Variants in BMPR1B observed in about 807,000 individuals in gnomAD.
The protein encoded by BMPR1B is bone morphogenetic protein receptor type-1B.
In BMPR1B, 12 loss-of-function variants were observed where a neutral mutation model predicts 59.1. The ratio of observed to expected loss-of-function variants is 0.20; its 90% CI spans 0.13 to 0.33. The LOEUF (loss-of-function observed/expected upper bound fraction) is 0.33, where lower values mean the gene tolerates loss of function less well. Ranked by LOEUF, BMPR1B falls within the 10% of genes least tolerant of loss-of-function variation. The pLI is 1.00. For missense variants in BMPR1B, 550 were observed against 610.9 expected, an observed-to-expected ratio of 0.90 and a Z score of 1.05; for synonymous variants, 237 against 207.3, an observed-to-expected ratio of 1.14 and a Z score of -1.23.
At chr4:94,777,779 A>T (rs1001862856) in intron 1 of BMPR1B, among the ~76,000 whole-genome samples, 1 of 152,116 alleles carries the variant, frequency 6.6e-6, no homozygotes, top group Non-Finnish European at 1.5e-5. Context: ...TAATCCCAGC[A>T]CTTTGGGAGG....
In BMPR1B at chr4:95,043,168, C is replaced by G. The variant is rs184544569; in HGVS notation, c.-18+47034C>G. The stretch of plus-strand genomic sequence containing the variant: ...CCGCAGTCCGGCCTGGGCGACAGAG[C>G]GAGACTCCGTCTCAAAAAAAAAAAA... On this transcript the variant is annotated intron_variant, in intron 3 of 12. Transcript: ENST00000515059. 2.6e-3 allele frequency among the ~76,000 whole-genome samples: 279 copies of G among 108,274 alleles called. 3 individuals are homozygous for G. The Middle Eastern group carries it at 0.042, about 16-fold the overall frequency. The allele number at this position is 108,274 out of a possible 152,430, so 71.0% of individuals were successfully genotyped here.
chr4:94,769,222 A>C (rs1385167664), intron 1 of BMPR1B, among the ~76,000 whole-genome samples: 1 of 152,246 alleles, frequency 6.6e-6, no homozygotes, highest in African/African-American at 2.4e-5. Context: ...AAATGGAATT[A>C]TTAAATATTT....
At chr4:95,100,474 T>G (rs1730738449) in intron 3 of BMPR1B, among the ~76,000 whole-genome samples, 1 of 152,044 alleles carries the variant, frequency 6.6e-6, no homozygotes, top group Non-Finnish European at 1.5e-5. Flanking sequence ...ACTTTTCCTC[T>G]CTATAAAAAA....
At chr4:95,110,943 C>T (rs1435183488) in intron 4 of BMPR1B, among the ~76,000 whole-genome samples, 1 of 152,108 alleles carries the variant, frequency 6.6e-6, no homozygotes, top group African/African-American at 2.4e-5. Context: ...TTGCGTTTAC[C>T]TGTGACAAAA....
rs567196376 is a variant in BMPR1B, at chr4:94,846,338, G to T, written c.-182-29493G>T. 1.5e-4 allele frequency among the ~76,000 whole-genome samples: 23 copies of T among 152,290 alleles called. 1 individual carries two copies. Among genetic ancestry groups the T allele is most frequent in the Admixed American group, 1.5e-3 (23 of 15,298 alleles). On this transcript the variant is annotated intron_variant, in intron 1 of 12. Coordinates refer to ENST00000515059, the MANE Select transcript of BMPR1B (RefSeq NM_001203.3). ...TTAATACTGAGGGTCAACTTGATTGGATTGAAGGATACAAGGTATTGATCC... is the reference window on the plus strand; with the variant it reads ...TTAATACTGAGGGTCAACTTGATTGTATTGAAGGATACAAGGTATTGATCC...
rs1399696927 is a variant in BMPR1B, at chr4:94,877,977, CATTTACATTGGAATGATATCGCCT to C, written c.-113+2080_-113+2103del. 2.6e-5 allele frequency among the ~76,000 whole-genome samples: 4 copies of C among 152,014 alleles called. No homozygotes were observed. In the East Asian group the frequency reaches 7.7e-4, roughly 29 times the overall value. Reference sequence around the variant, plus strand: ...ATGTGTGCGTGTGTGTGTGTATATGCATTTACATTGGAATGATATCGCCTATATTGATGAATGGTCTTATAAAAA... The same window carrying C: ...ATGTGTGCGTGTGTGTGTGTATATGCATATTGATGAATGGTCTTATAAAAA... On this transcript the variant is annotated intron_variant, in intron 2 of 12. Coordinates refer to ENST00000515059, the MANE Select transcript of BMPR1B (RefSeq NM_001203.3).
At chr4:95,026,126 C>T (rs144302205) in intron 3 of BMPR1B, among the ~76,000 whole-genome samples, 1,002 of 84,552 alleles carry the variant, frequency 0.012, no homozygotes, top group South Asian at 0.033. Context: ...TTCTTTCTTT[C>T]TTTCTTTCTT....
intron 2 of BMPR1B, among the ~76,000 whole-genome samples, chr4:94,878,871 T>C (rs939003267): frequency 2.0e-5 from 3 of 152,154 alleles, no homozygotes; most frequent in African/African-American, 7.2e-5. Flanking sequence ...CCTCCTTATG[T>C]AATTAAGATG....
At chr4:94,888,446 G>A (rs1342508216) in intron 2 of BMPR1B, among the ~76,000 whole-genome samples, 1 of 151,994 alleles carries the variant, frequency 6.6e-6, no homozygotes, top group Non-Finnish European at 1.5e-5. Flanking sequence ...GATGTTAAAG[G>A]ACCATATGAT....
chr4:95,085,733 G>A (rs1394277663), intron 3 of BMPR1B, among the ~76,000 whole-genome samples: 2 of 152,164 alleles, frequency 1.3e-5, no homozygotes, highest in Admixed American at 1.3e-4. Context: ...GAAGTTGAGA[G>A]TGCCGTGGTA....
chr4:95,026,113 T>TCTTTCTTTCTTTTTTTCTTC (rs1724363284), intron 3 of BMPR1B, among the ~76,000 whole-genome samples: 2 of 141,352 alleles, frequency 1.4e-5, no homozygotes, highest in African/African-American at 5.5e-5. Flanking sequence ...TTTCTTTCTT[T>TCTTTCTTTCTTTTTTTCTTC]CTTTCTTTCT....
intron 3 of BMPR1B, among the ~76,000 whole-genome samples, chr4:95,012,638 A>G (rs2149125921): frequency 6.6e-6 from 1 of 152,248 alleles, no homozygotes; most frequent in South Asian, 2.1e-4. Flanking sequence ...GTTATTTTTG[A>G]TGCTTTTCCA....
At chr4:95,014,496 T>G (rs1723444003) in intron 3 of BMPR1B, among the ~76,000 whole-genome samples, 1 of 152,180 alleles carries the variant, frequency 6.6e-6, no homozygotes, top group African/African-American at 2.4e-5. Context: ...AATATTAAAT[T>G]AATTAATTGT....
At chr4:95,135,344 G>A (rs975353872) in intron 10 of BMPR1B, among the ~76,000 whole-genome samples, 19 of 152,070 alleles carry the variant, frequency 1.2e-4, no homozygotes, top group African/African-American at 3.6e-4. Context: ...TAGCAATGCG[G>A]GCTCTTTTTT....
chr4:94,970,506 G>A (rs1422831740), intron 2 of BMPR1B, among the ~76,000 whole-genome samples: 1 of 152,058 alleles, frequency 6.6e-6, no homozygotes, highest in Non-Finnish European at 1.5e-5. Flanking sequence ...TAGAGACAGG[G>A]TTTCGCCCTG....
At chr4:95,095,525 A>T (rs1055450245) in intron 3 of BMPR1B, among the ~76,000 whole-genome samples, 7 of 152,072 alleles carry the variant, frequency 4.6e-5, no homozygotes, top group African/African-American at 1.7e-4. Context: ...TATGAATTTC[A>T]ATTTCTCTTC....
chr4:94,857,536 T>TATAA (rs1725807627), intron 1 of BMPR1B, among the ~76,000 whole-genome samples: 1 of 152,202 alleles, frequency 6.6e-6, no homozygotes, highest in African/African-American at 2.4e-5. Flanking sequence ...CAAAATTTTA[T>TATAA]GTAAGAATAT....
chr4:94,891,091 A>T (rs1727375020), intron 2 of BMPR1B, among the ~76,000 whole-genome samples: 2 of 152,062 alleles, frequency 1.3e-5, no homozygotes, highest in African/African-American at 4.8e-5. Context: ...AGCTTTATTG[A>T]GATATTATCT....
chr4:95,035,135 T>C (rs1725146422), intron 3 of BMPR1B, among the ~76,000 whole-genome samples: 1 of 152,152 alleles, frequency 6.6e-6, no homozygotes, highest in Admixed American at 6.6e-5. Context: ...GATTATTTGT[T>C]TTTTTCTTGC....
Sources: gnomAD v4.1 joint callset for allele counts (sites outside exome capture counted in the v4.1 genomes callset) on GRCh38, gnomAD v4.1.1 for gene constraint, MANE v1.5 for transcripts, NCBI Gene and HGNC (gene_info 2026-07-23, HGNC 2026-07-21) for gene names.